Variants in DOCK8 observed in about 807,000 individuals in gnomAD.
The protein encoded by DOCK8 is dedicator of cytokinesis 8.
In DOCK8, 141 loss-of-function variants were observed where a neutral mutation model predicts 245.6. The observed-to-expected ratio is 0.57, with a 90% CI of 0.50 to 0.66. The LOEUF is 0.66. Among genes scored for constraint, DOCK8 ranks in the 30% least tolerant of loss-of-function variants. DOCK8 has a pLI of 0.00. For missense variants in DOCK8, 2,965 were observed against 2,603.4 expected (o/e 1.14, Z -3.02); for synonymous variants, 1,168 against 970.2 (o/e 1.20, Z -3.79).
At chr9:377,378 T>C (rs1228667355) in intron 20 of DOCK8, among the ~76,000 whole-genome samples, 167 bp downstream of exon 20, 1 of 152,068 alleles carries the variant, frequency 6.6e-6, no homozygotes, top group South Asian at 2.1e-4. Context: ...TTTGAGACTC[T>C]CTGCATGTTG....
At chr9:249,971 C>G (rs899501069) in intron 1 of DOCK8, among the ~76,000 whole-genome samples, 33 of 152,096 alleles carry the variant, frequency 2.2e-4, no homozygotes, top group Non-Finnish European at 4.4e-5. Flanking sequence ...CCCTAACAGT[C>G]TGAAAGCTCT....
intron 14 of DOCK8, among the ~76,000 whole-genome samples, chr9:347,524 T>A (rs866336768): frequency 2.0e-5 from 3 of 152,064 alleles, no homozygotes; most frequent in Non-Finnish European, 4.4e-5. Context: ...AACAAAAAAC[T>A]CTGTCCTAAG....
intron 1 of DOCK8, among the ~76,000 whole-genome samples, chr9:252,270 GC>G: frequency 6.6e-6 from 1 of 151,860 alleles, no homozygotes; most frequent in South Asian, 2.1e-4. Context: ...ACCGTGCCCA[GC>G]CCCAAGGGAA....
chr9:368,454 C>T lies in DOCK8; in HGVS notation c.1797+319C>T, dbSNP rs1189427641. On this transcript the variant is annotated intron_variant, in intron 15 of 47. Transcript: ENST00000432829. ...AGGCATACAAAGTAAAGAGATGGCT[C>T]AACACGTGCGCCATGTTTGCTGAGT... is the stretch of plus-strand genomic sequence containing the variant. The T allele has an allele frequency of 6.6e-6, 4 of 608,540 alleles. No homozygotes were observed. The African/African-American group carries it at 7.4e-5, about 11-fold the overall frequency. 37.7% of individuals were successfully genotyped at this position (608,540 alleles called of 1,614,324 possible).
At chr9:435,080 A>T in intron 39 of DOCK8, 105 bp downstream of exon 39, 1 of 1,388,432 alleles carries the variant, frequency 7.2e-7, no homozygotes, top group South Asian at 1.2e-5. Context: ...ATTTTTGGTT[A>T]TCACAACTGG....
intron 2 of DOCK8, 70 bp downstream of exon 2, chr9:271,799 C>T (rs2048172057): frequency 1.9e-6 from 2 of 1,060,606 alleles, no homozygotes; most frequent in Non-Finnish European, 2.8e-6. Context: ...GTGTTTGCCT[C>T]CTGTTCCTTA....
intron 39 of DOCK8, among the ~76,000 whole-genome samples, chr9:437,301 C>T (rs1338393300): frequency 1.3e-5 from 2 of 152,210 alleles, no homozygotes; most frequent in African/African-American, 2.4e-5. Flanking sequence ...CAGCTTCATT[C>T]TTCACAGGCT....
At chr9:405,157 G>C in intron 27 of DOCK8, 84 bp downstream of exon 27, 3 of 1,388,390 alleles carry the variant, frequency 2.2e-6, no homozygotes, top group Admixed American at 1.9e-5. Context: ...TTCCTATAAA[G>C]GTTAGTCTTA....
In DOCK8 at chr9:381,125, A is replaced by G. The variant is rs549126132; in HGVS notation, c.2605+1190A>G. 1.7e-3 allele frequency: 263 copies of G among 152,156 alleles called. 1 individual carries two copies. The highest frequency in any genetic ancestry group is 3.4e-3 in the Middle Eastern group (1 of 294). 9.4% of individuals were successfully genotyped at this position (152,156 alleles called of 1,614,324 possible). A position where few individuals can be genotyped will look rare whatever the true frequency, so the allele number is the denominator to read the frequency against. ...CTTAAAACAAACAAACAAACAAACA[A>G]ACACCCTAAAATTCCATTTTCGTTT... On this transcript the variant is annotated intron_variant, in intron 21 of 47. Coordinates refer to ENST00000432829, the MANE Select transcript of DOCK8 (RefSeq NM_203447.4).
intron 1 of DOCK8, chr9:267,976 A>G (rs1047567716): frequency 3.9e-5 from 6 of 152,234 alleles, no homozygotes; most frequent in Non-Finnish European, 4.4e-5. Flanking sequence ...CTGGTTGCAT[A>G]TTACAGTATT....
At chr9:290,118 C>G (rs1362141797) in intron 4 of DOCK8, among the ~76,000 whole-genome samples, 5 of 151,972 alleles carry the variant, frequency 3.3e-5, no homozygotes, top group Admixed American at 2.6e-4. Context: ...GTTTATTTAT[C>G]CATTAACTTA....
At chr9:231,192 G>A (rs996841168) in intron 1 of DOCK8, among the ~76,000 whole-genome samples, 1 of 152,122 alleles carries the variant, frequency 6.6e-6, no homozygotes, top group Non-Finnish European at 1.5e-5. Context: ...TGTCAGGTTT[G>A]TCAAGGATCA....
chr9:336,671 T>C lies in DOCK8; in HGVS notation c.1375T>C (p.Ser459Pro), dbSNP rs1429510215. 6.2e-7 allele frequency: 1 copy of C among 1,613,982 alleles called. No individual in the cohort carries two copies. The highest frequency in any genetic ancestry group is 8.5e-7 in the Non-Finnish European group (1 of 1,180,010). ...CTCCTTGGAGGAAAATGGGGTTGGATCCAACTTCAAAACCTCCACTCTGAG... is the reference window on the plus strand; with the variant it reads ...CTCCTTGGAGGAAAATGGGGTTGGACCCAACTTCAAAACCTCCACTCTGAG... ...ALSLEENGVG[S>P]NFKTSTLSVS... The change falls in exon 12 of 48, where the codon TCC (serine) becomes CCC (proline). Residue 459 changes from serine to proline, a missense_variant. Coordinates refer to ENST00000432829, the MANE Select transcript of DOCK8 (RefSeq NM_203447.4).
chr9:422,388 G>A (rs1463559187), intron 33 of DOCK8, among the ~76,000 whole-genome samples: 1 of 152,146 alleles, frequency 6.6e-6, no homozygotes, highest in Non-Finnish European at 1.5e-5. Context: ...ACCTCAGATG[G>A]CTTAATAAAA....
At chr9:223,769 G>T (rs1000096905) in intron 1 of DOCK8, among the ~76,000 whole-genome samples, 7 of 147,290 alleles carry the variant, frequency 4.8e-5, no homozygotes, top group Non-Finnish European at 9.0e-5. Flanking sequence ...TGCTTTAGTT[G>T]TTTTTTTTTT....
At chr9:253,447 T>A (rs1320996273) in intron 1 of DOCK8, among the ~76,000 whole-genome samples, 1 of 152,206 alleles carries the variant, frequency 6.6e-6, no homozygotes, top group Non-Finnish European at 1.5e-5. Flanking sequence ...TTCCTAAGCA[T>A]AAACTCAGTT....
In DOCK8 at chr9:286,586, G is replaced by A. The variant is rs1460322295; in HGVS notation, c.282G>A (p.Val94=). The A allele has an allele frequency of 2.5e-6, 4 of 1,613,992 alleles. No homozygotes were observed. In the African/African-American group the frequency reaches 5.3e-5, roughly 22 times the overall value. Residue 94 remains valine (V), a synonymous_variant, in exon 3 of 48, where the codon GTG becomes GTA. Transcript: ENST00000432829. ...TCACTGATGACGACTTGGACGTGGT[G>A]TTCACGCCAAAGGAATGTAGGACTT... is the stretch of plus-strand genomic sequence containing the variant. ...GDFTDDDLDV[V]FTPKECRTLQ...
intron 16 of DOCK8, among the ~76,000 whole-genome samples, chr9:370,564 T>G (rs2053240507): frequency 6.6e-6 from 1 of 152,216 alleles, no homozygotes; most frequent in South Asian, 2.1e-4. Context: ...GCAAAGAGGT[T>G]GTATTACGTT....
At chr9:231,038 T>A (rs1400473161) in intron 1 of DOCK8, among the ~76,000 whole-genome samples, 1 of 152,212 alleles carries the variant, frequency 6.6e-6, no homozygotes, top group Non-Finnish European at 1.5e-5. Context: ...GTTTTAGGTC[T>A]AACATTTAAG....
Sources: gnomAD v4.1 joint callset for allele counts (sites outside exome capture counted in the v4.1 genomes callset) on GRCh38, gnomAD v4.1.1 for gene constraint, MANE v1.5 for transcripts, NCBI Gene and HGNC (gene_info 2026-07-23, HGNC 2026-07-21) for gene names.